The following COL5A2 variants were observed in gnomAD, a reference collection of about 807,000 sequenced individuals.
COL5A2 encodes the protein collagen alpha-2(V) chain.
In COL5A2, 23 loss-of-function variants were observed where a neutral mutation model predicts 208.2. The observed-to-expected ratio is 0.11, with a 90% confidence interval of 0.08 to 0.16. The LOEUF is 0.16. COL5A2 is among the 10% of genes least tolerant of loss of function. The probability of loss-of-function intolerance (pLI) is 1.00; values close to 1 mark genes in which losing one functional copy is unlikely to be tolerated. For missense variants in COL5A2, 1,590 were observed against 1,956.4 expected, an observed-to-expected ratio of 0.81 and a Z score of 3.53; for synonymous variants, 625 against 628.5, an observed-to-expected ratio of 0.99 and a Z score of 0.08.
At chr2:189,260,142 T>A in the COL5A2 span, among the ~76,000 whole-genome samples, 1 of 152,220 alleles carries the variant, frequency 6.6e-6, no homozygotes, top group African/African-American at 2.4e-5. Flanking sequence ...TTGTATTATA[T>A]TCCTCTTTCA....
intron 1 of COL5A2, among the ~76,000 whole-genome samples, chr2:189,198,827 G>A (rs1689038155): frequency 6.6e-6 from 1 of 152,104 alleles, no homozygotes; most frequent in Non-Finnish European, 1.5e-5. Flanking sequence ...CAACCTGAAA[G>A]GTAAACTAAA....
At chr2:189,120,240 A>G (rs372716145) in intron 1 of COL5A2, among the ~76,000 whole-genome samples, 11 of 152,164 alleles carry the variant, frequency 7.2e-5, no homozygotes, top group African/African-American at 2.7e-4. Context: ...AATTTTTTGT[A>G]GAATGATTTT....
At chr2:189,112,641 T>C (rs1431960031) in intron 1 of COL5A2, among the ~76,000 whole-genome samples, 1 of 152,206 alleles carries the variant, frequency 6.6e-6, no homozygotes, top group Non-Finnish European at 1.5e-5. Flanking sequence ...TTCTAATCTG[T>C]TTTATCTTCA....
Position 189,058,448 on chromosome 2 carries a change from T to C in COL5A2, c.2210A>G (p.His737Arg). Reference protein sequence around the residue: ...LPGEKGMAGGHGPDGPKGSPG... With the variant: ...LPGEKGMAGGRGPDGPKGSPG... ...ACTTACTTTTGGGCCATCAGGACCA[T>C]GTCCTCCAGCCATTCCCTTCTCACC... The change falls in exon 33 of 54, where the codon CAT becomes CGT. Residue 737 changes from histidine to arginine, a missense_variant. Coordinates refer to ENST00000374866, the MANE Select transcript of COL5A2 (RefSeq NM_000393.5). The C allele has an allele frequency of 6.2e-7, 1 of 1,614,010 alleles. No individual in the cohort carries two copies. The highest frequency in any genetic ancestry group is 8.5e-7 in the Non-Finnish European group (1 of 1,179,888).
At chr2:189,064,715 G>A (rs956594403) in intron 24 of COL5A2, 60 bp from the exon 25 acceptor site, 17 of 1,182,792 alleles carry the variant, frequency 1.4e-5, no homozygotes, top group Non-Finnish European at 2.0e-5. Flanking sequence ...AAAGCAAGCA[G>A]AAGTAAAATT....
the COL5A2 span, among the ~76,000 whole-genome samples, chr2:189,272,666 T>TA: frequency 8.9e-4 from 133 of 150,170 alleles, no homozygotes; most frequent in African/African-American, 3.1e-3. Flanking sequence ...ATAATTTTTT[T>TA]AAAAAAAATC....
the COL5A2 span, among the ~76,000 whole-genome samples, chr2:189,318,203 C>T: frequency 1.3e-5 from 2 of 152,282 alleles, no homozygotes; most frequent in East Asian, 3.9e-4. Context: ...ATTGATCTTT[C>T]AACTCACTGC....
At chr2:189,385,227 C>G in the COL5A2 span, among the ~76,000 whole-genome samples, 2 of 152,118 alleles carry the variant, frequency 1.3e-5, no homozygotes, top group Non-Finnish European at 2.9e-5. Context: ...TCAGAAAACT[C>G]TACAGACCCT....
chr2:189,315,378 C>T, the COL5A2 span, among the ~76,000 whole-genome samples: 2 of 152,238 alleles, frequency 1.3e-5, no homozygotes, highest in Non-Finnish European at 2.9e-5. Flanking sequence ...TGGTAAAATT[C>T]AACATCTGTT....
At chr2:189,262,745 TTAAAA>T in the COL5A2 span, among the ~76,000 whole-genome samples, 10 of 152,146 alleles carry the variant, frequency 6.6e-5, no homozygotes, top group East Asian at 1.4e-3. Flanking sequence ...TAAAAGGAAT[TTAAAA>T]TAAAATAAGT....
At chr2:189,304,689 T>G in the COL5A2 span, among the ~76,000 whole-genome samples, 1 of 152,160 alleles carries the variant, frequency 6.6e-6, no homozygotes, top group Non-Finnish European at 1.5e-5. Flanking sequence ...ACTTCAACAC[T>G]GAGGATTGCA....
intron 35 of COL5A2, among the ~76,000 whole-genome samples, chr2:189,056,533 G>A (rs894748493): frequency 2.6e-5 from 4 of 151,952 alleles, no homozygotes; most frequent in African/African-American, 4.8e-5. Context: ...CATTAATGAC[G>A]ATTCACTGTG....
the COL5A2 span, among the ~76,000 whole-genome samples, chr2:189,383,995 G>A: frequency 6.6e-6 from 1 of 151,956 alleles, no homozygotes; most frequent in South Asian, 2.1e-4. Context: ...ACGTATGAGT[G>A]AGAACATGCA....
At chr2:189,091,862 T>C (rs1686793431) in intron 7 of COL5A2, among the ~76,000 whole-genome samples, 1 of 152,184 alleles carries the variant, frequency 6.6e-6, no homozygotes, top group African/African-American at 2.4e-5. Flanking sequence ...ATTGAAGAAA[T>C]AATTAGGTGT....
the COL5A2 span, among the ~76,000 whole-genome samples, chr2:189,286,488 A>G: frequency 6.6e-6 from 1 of 152,150 alleles, no homozygotes; most frequent in South Asian, 2.1e-4. Context: ...TGTGGGTTGA[A>G]GTATTGCTTT....
the COL5A2 span, among the ~76,000 whole-genome samples, chr2:189,349,986 A>T: frequency 5.9e-5 from 9 of 152,218 alleles, no homozygotes; most frequent in African/African-American, 2.2e-4. Flanking sequence ...ATTGGATCTC[A>T]TATCAAAGCA....
the COL5A2 span, among the ~76,000 whole-genome samples, chr2:189,345,653 A>G: frequency 6.6e-6 from 1 of 152,206 alleles, no homozygotes; most frequent in Non-Finnish European, 1.5e-5. Flanking sequence ...AAGTGGGTCA[A>G]GTCAAAATCA....
the COL5A2 span, among the ~76,000 whole-genome samples, chr2:189,317,347 T>C: frequency 1.3e-5 from 2 of 152,152 alleles, no homozygotes; most frequent in Non-Finnish European, 2.9e-5. Context: ...GATTTCAATG[T>C]TATTTCATAT....
chr2:189,167,986 G>A (rs907165293), intron 1 of COL5A2, among the ~76,000 whole-genome samples: 15 of 149,356 alleles, frequency 1.0e-4, no homozygotes, highest in African/African-American at 3.2e-4. Context: ...CACCCAGGCT[G>A]GAGTGCAGTG....
Sources: gnomAD v4.1 joint callset for allele counts (sites outside exome capture counted in the v4.1 genomes callset) on GRCh38, gnomAD v4.1.1 for gene constraint, MANE v1.5 for transcripts, NCBI Gene and HGNC (gene_info 2026-07-23, HGNC 2026-07-21) for gene names.